Variants in NYAP2 observed in about 807,000 individuals in gnomAD.
NYAP2 encodes the protein neuronal tyrosine-phosphorylated phosphoinositide-3-kinase adapter 2.
A neutral mutation model predicts 50.4 loss-of-function variants in NYAP2; 23 were observed. The observed-to-expected ratio is 0.46, with a 90% CI of 0.33 to 0.65. NYAP2 has a LOEUF of 0.65. Ranked by LOEUF, NYAP2 falls within the 30% of genes least tolerant of loss-of-function variation. The pLI is 0.02. For synonymous variants in NYAP2, 394 were observed against 365.2 expected, an observed-to-expected ratio of 1.08 and a Z score of -0.90; for missense variants, 885 against 861.0, an observed-to-expected ratio of 1.03 and a Z score of -0.35.
intron 5 of NYAP2, among the ~76,000 whole-genome samples, chr2:225,588,417 A>C (rs1342493769): frequency 6.6e-6 from 1 of 151,914 alleles, no homozygotes; most frequent in East Asian, 1.9e-4. Flanking sequence ...AAACTGAAAA[A>C]CACCTAACCC....
At chr2:225,404,789 T>C (rs773846233) in intron 2 of NYAP2, among the ~76,000 whole-genome samples, 5 of 151,988 alleles carry the variant, frequency 3.3e-5, no homozygotes, top group Non-Finnish European at 7.4e-5. Context: ...TGATTCTAGA[T>C]ACAGTAATCT....
intron 4 of NYAP2, among the ~76,000 whole-genome samples, chr2:225,545,685 C>T (rs1193895347): frequency 6.6e-6 from 1 of 152,018 alleles, no homozygotes; most frequent in African/African-American, 2.4e-5. Context: ...CAGGATTAGT[C>T]TCTGGTTCCT....
At chr2:225,555,214 A>G (rs74594689) in intron 4 of NYAP2, among the ~76,000 whole-genome samples, 3,711 of 152,278 alleles carry the variant, frequency 0.024, 156 homozygotes, top group African/African-American at 0.085. Context: ...AGCAGCCAAA[A>G]TAAATATAGG....
intron 5 of NYAP2, among the ~76,000 whole-genome samples, chr2:225,602,014 A>G (rs1310669860): frequency 6.6e-6 from 1 of 152,188 alleles, no homozygotes; most frequent in South Asian, 2.1e-4. Flanking sequence ...GACCAAGAAA[A>G]TTAAGGAGCA....
chr2:225,435,454 C>A (rs1689360093), intron 3 of NYAP2, among the ~76,000 whole-genome samples: 1 of 152,154 alleles, frequency 6.6e-6, no homozygotes, highest in South Asian at 2.1e-4. Flanking sequence ...CAAAAGAAGT[C>A]ATCAAAGTGG....
intron 3 of NYAP2, among the ~76,000 whole-genome samples, chr2:225,416,097 T>A (rs945020034): frequency 2.0e-5 from 3 of 152,210 alleles, no homozygotes; most frequent in Admixed American, 2.0e-4. Context: ...CCCTCTCTAA[T>A]TTCAGCTTCC....
At chr2:225,455,118 A>G (rs909862966) in intron 3 of NYAP2, among the ~76,000 whole-genome samples, 1 of 152,162 alleles carries the variant, frequency 6.6e-6, no homozygotes, top group African/African-American at 2.4e-5. Context: ...ACAAAACAAA[A>G]TTAAAAAAAC....
chr2:225,655,225 A>C (rs1024521775), downstream of NYAP2, among the ~76,000 whole-genome samples: 1 of 152,224 alleles, frequency 6.6e-6, no homozygotes, highest in African/African-American at 2.4e-5. Context: ...CTCTGGAAAA[A>C]AGTATGAGTT....
At chr2:225,654,971 T>C (rs1410326599), downstream of NYAP2, among the ~76,000 whole-genome samples, 1 of 152,218 alleles carries the variant, frequency 6.6e-6, no homozygotes, top group Non-Finnish European at 1.5e-5. Flanking sequence ...TAGGTGAAAG[T>C]GCTTGACATC....
At chr2:225,538,326 A>G (rs147533200) in intron 4 of NYAP2, among the ~76,000 whole-genome samples, 1,716 of 152,278 alleles carry the variant, frequency 0.011, 18 homozygotes, top group Non-Finnish European at 0.018. Context: ...ACCCTGCTCA[A>G]ACTTCTGTCT....
chr2:225,553,898 A>G (rs1337214438), intron 4 of NYAP2, among the ~76,000 whole-genome samples: 2 of 152,012 alleles, frequency 1.3e-5, no homozygotes, highest in Admixed American at 6.6e-5. Flanking sequence ...TTAGCTTGGC[A>G]TGGTATTGCT....
At position 225,588,755 on chromosome 2, in the gene NYAP2, C is replaced by T. The variant is rs116230681; in HGVS notation, c.1618+5720C>T. Reference sequence around the variant, plus strand: ...TCATTGTTGTGATAGTCACTGTATGCCTGCCACAGGCTAATGCAAAATGTT... The same window carrying T: ...TCATTGTTGTGATAGTCACTGTATGTCTGCCACAGGCTAATGCAAAATGTT... On this transcript the variant is annotated intron_variant, in intron 5 of 6. Coordinates refer to ENST00000636099, the Ensembl canonical transcript of NYAP2. Among the ~76,000 whole-genome samples the T allele has an allele frequency of 6.0e-3, 921 of 152,240 alleles. 4 individuals carry two copies. The highest frequency in any genetic ancestry group is 0.012 in the Admixed American group (178 of 15,286).
the NYAP2 span, chr2:225,700,776 A>G: frequency 6.6e-6 from 1 of 151,690 alleles, no homozygotes; most frequent in African/African-American, 2.4e-5. Flanking sequence ...GGGAGATGCA[A>G]GTGTGTTTTT....
At position 225,495,913 on chromosome 2, in the gene NYAP2, GA is replaced by G. The variant is rs543135600; in HGVS notation, c.222-17457del. ...TGCTGAGGTCATCCTTGCAAATGAT[GA>G]CAGCCCCACCTGCTGTGAGTCTGAA... is the stretch of plus-strand genomic sequence containing the variant. On this transcript the variant is annotated intron_variant, in intron 3 of 6. Transcript: ENST00000636099. Among the ~76,000 whole-genome samples the G allele has an allele frequency of 2.0e-4, 31 of 152,276 alleles. No individual in the cohort carries two copies. The East Asian group carries it at 6.0e-3, about 29-fold the overall frequency.
At chr2:225,489,169 T>C (rs952259691) in intron 3 of NYAP2, among the ~76,000 whole-genome samples, 8 of 152,002 alleles carry the variant, frequency 5.3e-5, no homozygotes, top group Non-Finnish European at 1.0e-4. Context: ...CTCCCCTTTT[T>C]CCCCTTTTTC....
the NYAP2 span, among the ~76,000 whole-genome samples, chr2:225,670,730 T>A: frequency 6.6e-6 from 1 of 151,960 alleles, no homozygotes; most frequent in Non-Finnish European, 1.5e-5. Context: ...TTAAAATCAA[T>A]ATTGCTAAGA....
At chr2:225,559,416 A>T (rs1036412779) in intron 4 of NYAP2, among the ~76,000 whole-genome samples, 6 of 152,048 alleles carry the variant, frequency 3.9e-5, no homozygotes, top group Non-Finnish European at 5.9e-5. Flanking sequence ...CCTCAATTAG[A>T]AAAAGCAGAA....
chr2:225,585,992 T>C (rs1275232326), intron 5 of NYAP2, among the ~76,000 whole-genome samples: 2 of 152,206 alleles, frequency 1.3e-5, no homozygotes, highest in Admixed American at 1.3e-4. Context: ...TGAGTCTCAT[T>C]ATTCTTTTTA....
chr2:225,500,681 G>A (rs1010883856), intron 3 of NYAP2, among the ~76,000 whole-genome samples: 1 of 152,188 alleles, frequency 6.6e-6, no homozygotes, highest in Admixed American at 6.5e-5. Flanking sequence ...AAGGGCGAAT[G>A]CTGTAGGTTT....
Sources: allele counts gnomAD v4.1 joint callset (sites outside exome capture counted in the v4.1 genomes callset), GRCh38; gene constraint gnomAD v4.1.1; transcripts MANE v1.5; gene names NCBI Gene and HGNC (gene_info 2026-07-23, HGNC 2026-07-21).